Variants in PLEKHG7 observed in about 807,000 individuals in gnomAD.
PLEKHG7 encodes the protein pleckstrin homology and RhoGEF domain containing G7, also known as pleckstrin homology domain-containing family G member 7.
In PLEKHG7, 77 loss-of-function variants were observed where a neutral mutation model predicts 85.2. That is an observed-to-expected ratio of 0.90 (90% CI 0.75 to 1.09). The LOEUF (loss-of-function observed/expected upper bound fraction) is 1.09. Among genes scored for constraint, PLEKHG7 ranks in the 50% least tolerant of loss-of-function variants. The pLI is 0.00. For synonymous variants in PLEKHG7, 301 were observed against 302.4 expected, an observed-to-expected ratio of 1.00 and a Z score of 0.05; for missense variants, 777 against 804.3, an observed-to-expected ratio of 0.97 and a Z score of 0.41.
intron 10 of PLEKHG7, among the ~76,000 whole-genome samples, chr12:92,751,935 T>G (rs1416883949): frequency 1.3e-5 from 2 of 151,770 alleles, no homozygotes; most frequent in Non-Finnish European, 2.9e-5. Flanking sequence ...GAGGACTGCT[T>G]GAGACCAGGA....
intron 4 of PLEKHG7, among the ~76,000 whole-genome samples, chr12:92,731,575 A>C (rs951267050): frequency 3.3e-5 from 5 of 152,222 alleles, no homozygotes; most frequent in Admixed American, 2.6e-4. Flanking sequence ...AAACAGCATA[A>C]AATTCAAAAG....
At position 92,761,636 on chromosome 12, in the gene PLEKHG7, AAGAAAGAAAGAAAGAAAG is replaced by A. The variant is rs1758918418; in HGVS notation, c.1637-114_1637-97del. 5 of 440,036 alleles carry A rather than the reference AAGAAAGAAAGAAAGAAAG, an allele frequency of 1.1e-5. No individual in the cohort carries two copies. In the South Asian group the frequency reaches 1.6e-4, roughly 14 times the overall value. 27.3% of individuals were successfully genotyped at this position (440,036 alleles called of 1,614,324 possible). A position where few individuals can be genotyped will look rare whatever the true frequency, so the allele number is the denominator to read the frequency against. ...GAAAGAAAGAAAGAAGAAAGAAAGA[AAGAAAGAAAGAAAGAAAG>A]AAAGAAAGAAAGAAAGAAAGAAAGA... On this transcript the variant is annotated intron_variant, in intron 13 of 16. Coordinates refer to ENST00000344636, the MANE Select transcript of PLEKHG7 (RefSeq NM_001377329.1).
In PLEKHG7 at chr12:92,736,539, A is replaced by T; in HGVS notation, c.757A>T (p.Ile253Phe). 2 of 1,231,726 alleles carry T rather than the reference A, an allele frequency of 1.6e-6. No homozygotes were observed. The highest frequency in any genetic ancestry group is 2.0e-6 in the Non-Finnish European group (2 of 987,584). The allele number at this position is 1,231,726 out of a possible 1,614,324, so 76.3% of individuals were successfully genotyped here. A position where few individuals can be genotyped will look rare whatever the true frequency, so the allele number is the denominator to read the frequency against. ...GGAAAACTGCCTGTCCTCTGTGAAA[A>T]TTACCAGCTTCAGGGGCTATGACTT... is the stretch of plus-strand genomic sequence containing the variant. ...DLENCLSSVK[I>F]TSFRGYDFYG... The change falls in exon 6 of 17, where the codon ATT (isoleucine) becomes TTT (phenylalanine). Residue 253 changes from isoleucine (I) to phenylalanine (F), a missense_variant. Transcript: ENST00000344636.
chr12:92,716,002 CA>C (rs1871479538), intron 3 of PLEKHG7, among the ~76,000 whole-genome samples: 1 of 152,170 alleles, frequency 6.6e-6, no homozygotes. Flanking sequence ...CCAATCACAG[CA>C]AAATTTTTTG....
chr12:92,758,365 T>C (rs1000051737), intron 13 of PLEKHG7, among the ~76,000 whole-genome samples: 2 of 152,208 alleles, frequency 1.3e-5, no homozygotes, highest in African/African-American at 4.8e-5. Context: ...AGGAAATGAG[T>C]ATCAAAAACT....
At chr12:92,745,409 A>C in intron 9 of PLEKHG7, 69 bp from the exon 10 acceptor site, 1 of 1,059,900 alleles carries the variant, frequency 9.4e-7, no homozygotes, top group Non-Finnish European at 1.4e-6. Context: ...GTGAGGAGAA[A>C]CACTCTTTCA....
intron 13 of PLEKHG7, among the ~76,000 whole-genome samples, chr12:92,758,354 G>C (rs1300807486): frequency 6.6e-6 from 1 of 152,252 alleles, no homozygotes; most frequent in African/African-American, 2.4e-5. Context: ...AGTGGATGAA[G>C]AGGAAATGAG....
intron 8 of PLEKHG7, among the ~76,000 whole-genome samples, chr12:92,741,251 A>AGAG (rs1872346518): frequency 6.6e-6 from 1 of 152,208 alleles, no homozygotes; most frequent in Non-Finnish European, 1.5e-5. Flanking sequence ...CGCATACATT[A>AGAG]TAAATAAATA....
chr12:92,719,986 G>A (rs1227440501), intron 3 of PLEKHG7, among the ~76,000 whole-genome samples: 2 of 152,178 alleles, frequency 1.3e-5, no homozygotes, highest in Admixed American at 6.6e-5. Context: ...CCGGGGAAGC[G>A]ACAGGCCAAG....
chr12:92,707,556 G>A (rs1871272348), intron 2 of PLEKHG7, 94 bp from the exon 3 acceptor site: 1 of 1,544,774 alleles, frequency 6.5e-7, no homozygotes, highest in Non-Finnish European at 8.8e-7. Context: ...TTTTAACTAG[G>A]AGGGCTCATT....
chr12:92,717,166 T>G (rs930980715), intron 3 of PLEKHG7, among the ~76,000 whole-genome samples: 2 of 152,216 alleles, frequency 1.3e-5, no homozygotes, highest in Non-Finnish European at 2.9e-5. Context: ...TACATTTCTA[T>G]AAGACTATAG....
chr12:92,729,902 C>A (rs1389076680), intron 4 of PLEKHG7, among the ~76,000 whole-genome samples: 2 of 152,122 alleles, frequency 1.3e-5, no homozygotes, highest in African/African-American at 4.8e-5. Flanking sequence ...AGACACCCAA[C>A]AAAACAGTTT....
intron 10 of PLEKHG7, among the ~76,000 whole-genome samples, chr12:92,747,801 A>G (rs1277469962): frequency 5.3e-5 from 8 of 152,240 alleles, no homozygotes; most frequent in Admixed American, 4.6e-4. Flanking sequence ...GCACAGAAAG[A>G]CAGATATTGC....
chr12:92,732,854 G>A (rs1416400382), intron 5 of PLEKHG7, among the ~76,000 whole-genome samples: 4 of 152,160 alleles, frequency 2.6e-5, no homozygotes, highest in African/African-American at 4.8e-5. Context: ...GGCATGCTGT[G>A]GGAAGAGGGA....
chr12:92,738,002 C>T (rs1007688213), intron 7 of PLEKHG7, among the ~76,000 whole-genome samples: 2 of 152,182 alleles, frequency 1.3e-5, no homozygotes, highest in Non-Finnish European at 2.9e-5. Context: ...AGGGAGCTTA[C>T]ACCCTTCTCA....
At chr12:92,719,133 G>C (rs75980520) in intron 3 of PLEKHG7, among the ~76,000 whole-genome samples, 1 of 152,098 alleles carries the variant, frequency 6.6e-6, no homozygotes, top group Admixed American at 6.6e-5. Context: ...ATACAAAAGC[G>C]CATTCCCAAC....
At chr12:92,710,826 G>A (rs1441306113) in intron 3 of PLEKHG7, among the ~76,000 whole-genome samples, 2 of 152,178 alleles carry the variant, frequency 1.3e-5, no homozygotes, top group Admixed American at 1.3e-4. Flanking sequence ...CAATGACAGG[G>A]GCAGCTGGGG....
At chr12:92,761,048 G>A (rs998106113) in intron 13 of PLEKHG7, among the ~76,000 whole-genome samples, 44 of 152,060 alleles carry the variant, frequency 2.9e-4, no homozygotes, top group African/African-American at 9.4e-4. Flanking sequence ...GGAGGTATCC[G>A]GTGTCTCAAA....
At chr12:92,730,361 A>G (rs59386277) in intron 4 of PLEKHG7, among the ~76,000 whole-genome samples, 14,060 of 152,256 alleles carry the variant, frequency 0.092, 724 homozygotes, top group South Asian at 0.14. Flanking sequence ...GTTAACAACT[A>G]CAACAGTGGT....
Sources: allele counts gnomAD v4.1 joint callset (sites outside exome capture counted in the v4.1 genomes callset), GRCh38; gene constraint gnomAD v4.1.1; transcripts MANE v1.5; gene names NCBI Gene and HGNC (gene_info 2026-07-23, HGNC 2026-07-21).